The following AP1B1 variants were observed in gnomAD, a reference collection of about 807,000 sequenced individuals.
AP1B1 encodes AP-1 complex subunit beta-1.
A neutral mutation model predicts 104.3 loss-of-function variants in AP1B1; 36 were observed. The ratio of observed to expected loss-of-function variants is 0.35; its 90% CI spans 0.26 to 0.46. AP1B1 has a LOEUF of 0.46. Among genes scored for constraint, AP1B1 ranks in the 20% least tolerant of loss-of-function variants. AP1B1 has a pLI of 1.00. For synonymous variants in AP1B1, 504 were observed against 517.5 expected (o/e 0.97, Z 0.35); for missense variants, 901 against 1,247.9 (o/e 0.72, Z 4.19).
intron 9 of AP1B1, among the ~76,000 whole-genome samples, chr22:29,350,624 A>G (rs1470420971): frequency 6.6e-6 from 1 of 152,134 alleles, no homozygotes; most frequent in East Asian, 1.9e-4. Context: ...GCACGCCTCA[A>G]GGGGATAGGT....
chr22:29,387,305 CTTT>C (rs1014176421), intron 1 of AP1B1, among the ~76,000 whole-genome samples: 7 of 128,052 alleles, frequency 5.5e-5, no homozygotes, highest in African/African-American at 5.8e-5. Flanking sequence ...AGCTAAAAAT[CTTT>C]TTTTTTTTTT....
chr22:29,332,900 T>C (rs2061583142), intron 17 of AP1B1, among the ~76,000 whole-genome samples: 1 of 152,204 alleles, frequency 6.6e-6, no homozygotes, highest in Non-Finnish European at 1.5e-5. Flanking sequence ...TGTCATTACC[T>C]ACTAAAAAGG....
At chr22:29,369,461 T>G (rs1325837075) in intron 1 of AP1B1, among the ~76,000 whole-genome samples, 1 of 152,230 alleles carries the variant, frequency 6.6e-6, no homozygotes, top group African/African-American at 2.4e-5. Context: ...ACTTCCCTTT[T>G]GCTTTGCAAA....
intron 1 of AP1B1, among the ~76,000 whole-genome samples, chr22:29,385,360 T>C (rs1602840965): frequency 1.3e-5 from 2 of 152,302 alleles, no homozygotes; most frequent in East Asian, 3.9e-4. Flanking sequence ...TACTACAGTC[T>C]GGGTAACAAG....
intron 1 of AP1B1, among the ~76,000 whole-genome samples, chr22:29,375,236 G>C (rs961914677): frequency 6.6e-6 from 1 of 150,864 alleles, no homozygotes; most frequent in Non-Finnish European, 1.5e-5. Flanking sequence ...TGTAGTCCCA[G>C]CTACTCGGGA....
chr22:29,379,209 T>C (rs1324564243), intron 1 of AP1B1, among the ~76,000 whole-genome samples: 1 of 152,090 alleles, frequency 6.6e-6, no homozygotes, highest in Non-Finnish European at 1.5e-5. Flanking sequence ...AAAAATTAGC[T>C]GGACATGGTG....
Position 29,331,481 on chromosome 22 carries a change from A to T in AP1B1, c.2492T>A (p.Leu831Gln), listed in dbSNP as rs140969929. 3 of 1,614,194 alleles carry T rather than the reference A, an allele frequency of 1.9e-6. No homozygotes were observed. In the Admixed American group the frequency reaches 5.0e-5, roughly 27 times the overall value. ...DVFYFSTLYPLHILFVEDGKM... is the reference protein window; with the variant it reads ...DVFYFSTLYPQHILFVEDGKM... ...CCCGTCCTCCACAAAGAGGATGTGC[A>T]GTGGGTACAAGGTGCTGAAGTAGAA... Residue 831 changes from leucine to glutamine, a missense_variant, in exon 19 of 23, where the codon CTG becomes CAG. By Grantham distance (113) the Leu-to-Gln change is moderately radical (BLOSUM62 -2). Around this residue, in one of 3 missense-constraint regions of AP1B1, gnomAD observed 424 missense variants for 494.0 expected, o/e 0.86. Transcript: ENST00000357586.
At chr22:29,368,653 T>C (rs2062181417) in intron 1 of AP1B1, among the ~76,000 whole-genome samples, 1 of 151,970 alleles carries the variant, frequency 6.6e-6, no homozygotes, top group African/African-American at 2.4e-5. Flanking sequence ...TGGGAGACCA[T>C]CTCAGGCCTA....
intron 1 of AP1B1, among the ~76,000 whole-genome samples, chr22:29,383,397 T>G (rs2062467758): frequency 6.6e-6 from 1 of 152,168 alleles, no homozygotes; most frequent in African/African-American, 2.4e-5. Context: ...AAATGAACAC[T>G]GAAGGTTCAG....
intron 1 of AP1B1, among the ~76,000 whole-genome samples, chr22:29,384,146 T>G (rs2062483333): frequency 6.6e-6 from 1 of 152,182 alleles, no homozygotes; most frequent in Non-Finnish European, 1.5e-5. Context: ...CCTGAAGGGT[T>G]TGTGAGGCTA....
chr22:29,330,079 C>T lies in AP1B1; in HGVS notation c.2766+299G>A. The stretch of plus-strand genomic sequence containing the variant: ...TCACAGGACAGGGCCAGGGCCTGTG[C>T]CCAGCAATGTCACTTCCCAGTCAGG... On this transcript the variant is annotated intron_variant, in intron 21 of 22. Coordinates refer to ENST00000357586, the MANE Select transcript of AP1B1 (RefSeq NM_001127.4). 9.2e-6 allele frequency: 13 copies of T among 1,412,870 alleles called. No homozygotes were observed. The South Asian group carries it at 1.7e-4, about 18-fold the overall frequency. The allele number at this position is 1,412,870 out of a possible 1,614,324, so 87.5% of individuals were successfully genotyped here. A position where few individuals can be genotyped will look rare whatever the true frequency, so the allele number is the denominator to read the frequency against.
At chr22:29,350,606 C>A (rs2061859180) in intron 9 of AP1B1, among the ~76,000 whole-genome samples, 1 of 152,172 alleles carries the variant, frequency 6.6e-6, no homozygotes, top group Non-Finnish European at 1.5e-5. Flanking sequence ...TCATAGGCTC[C>A]AGGGTGAGCA....
chr22:29,329,332 G>C (rs767167626), intron 22 of AP1B1: 3 of 1,175,972 alleles, frequency 2.6e-6, no homozygotes, highest in Non-Finnish European at 3.2e-6. Context: ...GGTTTCCTGC[G>C]TAGGAAGCAG....
intron 1 of AP1B1, among the ~76,000 whole-genome samples, chr22:29,375,349 C>CAAA (rs547697174): frequency 1.4e-4 from 8 of 57,360 alleles, no homozygotes; most frequent in Non-Finnish European, 1.9e-4. Context: ...GATTCCATCA[C>CAAA]AAAAAAAAAA....
chr22:29,362,580 C>T (rs1245386983), intron 3 of AP1B1, among the ~76,000 whole-genome samples: 2 of 152,132 alleles, frequency 1.3e-5, no homozygotes, highest in Admixed American at 1.3e-4. Context: ...CTCCTGACCT[C>T]GAGATCCGCC....
chr22:29,386,769 G>A (rs571067766), intron 1 of AP1B1, among the ~76,000 whole-genome samples: 1 of 152,224 alleles, frequency 6.6e-6, no homozygotes, highest in South Asian at 2.1e-4. Context: ...GAAGGCGGCA[G>A]GTCTTTCTCA....
intron 2 of AP1B1, among the ~76,000 whole-genome samples, chr22:29,365,442 A>C (rs1373506928): frequency 6.6e-6 from 1 of 152,118 alleles, no homozygotes; most frequent in East Asian, 1.9e-4. Context: ...CAGTGAGCAG[A>C]GATCTTCCCA....
At chr22:29,348,173 G>T (rs2147974101) in intron 11 of AP1B1, among the ~76,000 whole-genome samples, 1 of 152,284 alleles carries the variant, frequency 6.6e-6, no homozygotes, top group Admixed American at 6.5e-5. Flanking sequence ...TTTACTTGTA[G>T]CCCCCAAATC....
chr22:29,359,922 C>G lies in AP1B1; in HGVS notation c.181G>C (p.Asp61His), dbSNP rs1434051522. The G allele has an allele frequency of 4.3e-6, 7 of 1,613,990 alleles. No homozygotes were observed. The East Asian group carries it at 1.6e-4, about 36-fold the overall frequency. ...FPDVVNCMQT[D>H]NLELKKLVYL... ...ACTAGCTTCTTCAGCTCCAGGTTGTCCGTCTGCATGCAGTTGACCACATCG... is the reference window on the plus strand; with the variant it reads ...ACTAGCTTCTTCAGCTCCAGGTTGTGCGTCTGCATGCAGTTGACCACATCG... The change falls in exon 4 of 23, where the codon GAC (aspartate) becomes CAC (histidine). Residue 61 changes from aspartate to histidine, a missense_variant. Transcript: ENST00000357586.
Sources: allele counts gnomAD v4.1 joint callset (sites outside exome capture counted in the v4.1 genomes callset), GRCh38; gene constraint gnomAD v4.1.1; regional missense constraint gnomAD v4.1.1; transcripts MANE v1.5; gene names NCBI Gene and HGNC (gene_info 2026-07-23, HGNC 2026-07-21).